POLR3B: variants seen among roughly 807,000 people sequenced by gnomAD.
The protein encoded by POLR3B is RNA polymerase III subunit B.
A neutral mutation model predicts 147.4 loss-of-function variants in POLR3B; 96 were observed. The ratio of observed to expected loss-of-function variants is 0.65; its 90% CI spans 0.55 to 0.77. The LOEUF is 0.77. Ranked by LOEUF, POLR3B falls within the 30% of genes least tolerant of loss-of-function variation. POLR3B has a pLI of 0.00. For missense variants in POLR3B, 1,036 were observed against 1,413.5 expected, an observed-to-expected ratio of 0.73 and a Z score of 4.28; for synonymous variants, 461 against 485.9, an observed-to-expected ratio of 0.95 and a Z score of 0.67.
chr12:106,376,224 A>G, intron 6 of POLR3B, 135 bp from the exon 7 acceptor site: 2 of 695,648 alleles, frequency 2.9e-6, no homozygotes, highest in Admixed American at 2.1e-5. Flanking sequence ...TGTAATTGCT[A>G]TTTCTCTGCC....
intron 24 of POLR3B, 118 bp downstream of exon 24, chr12:106,496,276 T>C: frequency 1.3e-6 from 1 of 753,686 alleles, no homozygotes; most frequent in South Asian, 1.4e-5. Flanking sequence ...GGTAGAGCTC[T>C]TCTGCCCCTT....
At chr12:106,505,458 T>C (rs991345212) in intron 27 of POLR3B, among the ~76,000 whole-genome samples, 1 of 151,974 alleles carries the variant, frequency 6.6e-6, no homozygotes, top group South Asian at 2.1e-4. Context: ...TGACTAACTT[T>C]TGTATGTTTT....
At chr12:106,358,821 T>A (rs992557461) in intron 1 of POLR3B, among the ~76,000 whole-genome samples, 4 of 152,216 alleles carry the variant, frequency 2.6e-5, no homozygotes, top group Non-Finnish European at 5.9e-5. Flanking sequence ...GGGTCTTGAT[T>A]ATGAAAAGTT....
chr12:106,402,704 G>C (rs2037086242), intron 10 of POLR3B, among the ~76,000 whole-genome samples: 1 of 152,116 alleles, frequency 6.6e-6, no homozygotes, highest in African/African-American at 2.4e-5. Context: ...AACAAGAAAT[G>C]GGGAAAGGAT....
intron 19 of POLR3B, 142 bp downstream of exon 19, chr12:106,444,732 G>A (rs1435735098): frequency 3.7e-5 from 31 of 844,232 alleles, no homozygotes; most frequent in Non-Finnish European, 5.6e-5. Context: ...AGCCCAGGGA[G>A]TTGCCTATGG....
Position 106,459,323 on chromosome 12 carries a change from G to A in POLR3B, c.2525G>A (p.Gly842Glu), listed in dbSNP as rs1421557266. The A allele has an allele frequency of 4.4e-6, 7 of 1,607,092 alleles. No homozygotes were observed. The highest frequency in any genetic ancestry group is 3.3e-4 in the Middle Eastern group (2 of 6,042). ...MPTVTQIPLEGSNVPQQPQYK... is the reference protein window; with the variant it reads ...MPTVTQIPLEESNVPQQPQYK... ...ACAGTGACTCAGATTCCTTTGGAAG[G>A]AAGTAATGTACCACAGCAACCACAG... Residue 842 changes from glycine (G) to glutamate (E), a missense_variant, in exon 22 of 28, where the codon GGA (glycine) becomes GAA (glutamate). Gly to Glu is a moderately conservative substitution (Grantham distance 98). Transcript: ENST00000228347.
At chr12:106,500,200 T>A (rs939691109) in intron 25 of POLR3B, 1 of 454,902 alleles carries the variant, frequency 2.2e-6, no homozygotes, top group Non-Finnish European at 4.4e-6. Context: ...GAAGAAAGTT[T>A]GAGGCAGTTA....
intron 19 of POLR3B, chr12:106,446,414 C>CAAA: frequency 5.8e-6 from 1 of 171,020 alleles, no homozygotes; most frequent in Non-Finnish European, 1.1e-5. Context: ...ACTCCTCTCC[C>CAAA]CACAAAAAAA....
intron 1 of POLR3B, 183 bp downstream of exon 1, chr12:106,358,134 G>C (rs2036415311): frequency 1.1e-6 from 1 of 898,406 alleles, no homozygotes; most frequent in South Asian, 2.2e-5. Flanking sequence ...GCGTGCGCGA[G>C]TGAAGGCTGA....
chr12:106,498,128 G>A (rs1200946457), intron 25 of POLR3B, among the ~76,000 whole-genome samples: 2 of 152,230 alleles, frequency 1.3e-5, no homozygotes, highest in South Asian at 2.1e-4. Context: ...AGAAGGCCCT[G>A]TGAGGAACTG....
intron 13 of POLR3B, among the ~76,000 whole-genome samples, chr12:106,428,544 A>T (rs1300627055): frequency 6.6e-6 from 1 of 152,196 alleles, no homozygotes; most frequent in Admixed American, 6.5e-5. Flanking sequence ...CCTACAGAAT[A>T]CAAGAACAAA....
intron 23 of POLR3B, among the ~76,000 whole-genome samples, chr12:106,492,118 T>C (rs1298602737): frequency 2.0e-5 from 3 of 152,238 alleles, no homozygotes; most frequent in Non-Finnish European, 4.4e-5. Flanking sequence ...CATATGCTAC[T>C]AGAATGTGTT....
chr12:106,480,921 G>A (rs921446386), intron 23 of POLR3B, among the ~76,000 whole-genome samples: 3 of 152,144 alleles, frequency 2.0e-5, no homozygotes, highest in African/African-American at 7.2e-5. Context: ...AGGGGAGGGC[G>A]TGTGGTTAGT....
At chr12:106,433,508 C>T (rs2037536178) in intron 15 of POLR3B, among the ~76,000 whole-genome samples, 1 of 152,180 alleles carries the variant, frequency 6.6e-6, no homozygotes. Flanking sequence ...CTGACTTTTC[C>T]AGTATTCCTC....
At chr12:106,384,638 T>C (rs1403852262) in intron 9 of POLR3B, among the ~76,000 whole-genome samples, 2 of 152,128 alleles carry the variant, frequency 1.3e-5, no homozygotes, top group Admixed American at 6.6e-5. Flanking sequence ...TTTTGTGCTT[T>C]GTTGATTGCA....
chr12:106,446,432 A>AAAG (rs1555214437), intron 19 of POLR3B: 9 of 344,498 alleles, frequency 2.6e-5, no homozygotes, highest in African/African-American at 2.0e-4. Context: ...AAAAAAAAAA[A>AAAG]AAAGAAAAGA....
chr12:106,402,758 G>A lies in POLR3B; in HGVS notation c.847-3099G>A, dbSNP rs1419565121. On this transcript the variant is annotated intron_variant, in intron 10 of 27. Transcript: ENST00000228347. ...TGCTGGGAAAACTGGCTAGCCATAC[G>A]TAGAAAGCTGAAACTGGATCCCTTC... 5.9e-5 allele frequency among the ~76,000 whole-genome samples: 9 copies of A among 152,290 alleles called. No individual in the cohort carries two copies. In the South Asian group the frequency reaches 6.2e-4, roughly 11 times the overall value.
chr12:106,405,014 C>A (rs2037130919), intron 10 of POLR3B, among the ~76,000 whole-genome samples: 3 of 152,108 alleles, frequency 2.0e-5, no homozygotes, highest in African/African-American at 4.8e-5. Context: ...TGCTATGATA[C>A]TTTCATCAAA....
intron 11 of POLR3B, among the ~76,000 whole-genome samples, chr12:106,408,540 A>C (rs935510609): frequency 1.1e-4 from 17 of 152,342 alleles, no homozygotes; most frequent in African/African-American, 3.6e-4. Context: ...GCTAAAGTTT[A>C]GAAACCACTG....
Sources: gnomAD v4.1 joint callset for allele counts (sites outside exome capture counted in the v4.1 genomes callset) on GRCh38, gnomAD v4.1.1 for gene constraint, MANE v1.5 for transcripts, NCBI Gene and HGNC (gene_info 2026-07-23, HGNC 2026-07-21) for gene names.